The following PDGFC variants were observed in gnomAD, a reference collection of about 807,000 sequenced individuals.
PDGFC encodes platelet derived growth factor C, also known as platelet-derived growth factor C.
Under a neutral mutation model 35.5 loss-of-function variants are expected in PDGFC, and 12 were observed. The observed-to-expected ratio is 0.34, with a 90% CI of 0.22 to 0.55. PDGFC has a LOEUF of 0.55. Ranked by LOEUF, PDGFC falls within the 20% of genes least tolerant of loss-of-function variation. The pLI is 0.91. For missense variants in PDGFC, 322 were observed against 412.4 expected (o/e 0.78, Z 1.90); for synonymous variants, 159 against 148.8 (o/e 1.07, Z -0.50).
At chr4:156,767,720 G>A in intron 5 of PDGFC, 53 bp downstream of exon 5, 1 of 1,118,710 alleles carries the variant, frequency 8.9e-7, no homozygotes, top group Non-Finnish European at 1.4e-6. Flanking sequence ...TCACTGTTTT[G>A]TTCTAAGACA....
intron 1 of PDGFC, among the ~76,000 whole-genome samples, chr4:156,957,693 C>G (rs142205856): frequency 1.3e-5 from 2 of 152,102 alleles, no homozygotes; most frequent in East Asian, 3.9e-4. Flanking sequence ...GCCTGCATAG[C>G]TGGGATGGGC....
Position 156,846,533 on chromosome 4 carries a change from G to C in PDGFC, c.314+3688C>G, listed in dbSNP as rs1729330100. On this transcript the variant is annotated intron_variant, in intron 2 of 5. Transcript: ENST00000502773. ...GACAAGAAGACTCTTCCAGACTAAAGAAGACGAAAGAGTTACAATAACCAA... is the reference window on the plus strand; with the variant it reads ...GACAAGAAGACTCTTCCAGACTAAACAAGACGAAAGAGTTACAATAACCAA... Among the ~76,000 whole-genome samples, 6 of 151,692 alleles carry C rather than the reference G, an allele frequency of 4.0e-5. No individual in the cohort carries two copies. In the South Asian group the frequency reaches 1.2e-3, roughly 31 times the overall value.
intron 1 of PDGFC, among the ~76,000 whole-genome samples, chr4:156,864,926 G>C (rs1483191800): frequency 6.6e-6 from 1 of 152,056 alleles, no homozygotes; most frequent in African/African-American, 2.4e-5. Context: ...CCAATGGCTT[G>C]AGAAAGTTTT....
rs539720706 is a variant in PDGFC, at chr4:156,876,679, T to G, written c.119-26263A>C. ...TTAATTTCCCTGCTTGATTCTTCTT[T>G]ATACACAAAATTATAACAGCAGTCT... On this transcript the variant is annotated intron_variant, in intron 1 of 5. Transcript: ENST00000502773. 606 of 152,310 alleles carry G rather than the reference T, an allele frequency of 4.0e-3. 1 individual carries two copies. The highest frequency in any genetic ancestry group is 0.014 in the African/African-American group (582 of 41,574). The allele number at this position is 152,310 out of a possible 1,614,324, so 9.4% of individuals were successfully genotyped here. A position where few individuals can be genotyped will look rare whatever the true frequency, so the allele number is the denominator to read the frequency against.
intron 1 of PDGFC, among the ~76,000 whole-genome samples, chr4:156,856,127 T>C (rs1011770820): frequency 3.3e-5 from 5 of 152,212 alleles, no homozygotes; most frequent in Admixed American, 1.3e-4. Context: ...TTAAGACAAA[T>C]AGCACAATAA....
At chr4:156,900,396 A>C (rs779380436) in intron 1 of PDGFC, among the ~76,000 whole-genome samples, 1 of 152,190 alleles carries the variant, frequency 6.6e-6, no homozygotes, top group Non-Finnish European at 1.5e-5. Flanking sequence ...CCTGGGAATC[A>C]TGATCATTTA....
At chr4:156,870,294 T>C (rs1208391544) in intron 1 of PDGFC, among the ~76,000 whole-genome samples, 6 of 152,272 alleles carry the variant, frequency 3.9e-5, no homozygotes, top group South Asian at 4.1e-4. Context: ...TTTTTTCCTC[T>C]CCTTCCACCT....
chr4:156,942,107 C>T (rs563798206), intron 1 of PDGFC, among the ~76,000 whole-genome samples: 23 of 151,872 alleles, frequency 1.5e-4, no homozygotes, highest in African/African-American at 5.1e-4. Context: ...TGCCTAAAGA[C>T]GAGAGGGAAA....
intron 2 of PDGFC, among the ~76,000 whole-genome samples, chr4:156,836,459 T>C (rs907801479): frequency 2.0e-5 from 3 of 152,216 alleles, no homozygotes; most frequent in African/African-American, 4.8e-5. Flanking sequence ...TTCTAAGAAA[T>C]AGTCTATATA....
intron 1 of PDGFC, among the ~76,000 whole-genome samples, chr4:156,945,338 CATACATATATAT>C (rs1560885355): frequency 2.7e-5 from 1 of 37,450 alleles, no homozygotes; most frequent in South Asian, 9.0e-4. Flanking sequence ...TATACATATA[CATACATATATAT>C]ATATATATAT....
At chr4:156,873,046 G>A (rs934859396) in intron 1 of PDGFC, among the ~76,000 whole-genome samples, 1 of 152,108 alleles carries the variant, frequency 6.6e-6, no homozygotes, top group Non-Finnish European at 1.5e-5. Flanking sequence ...CAGAAGGATC[G>A]CCTGAGCCCA....
At chr4:156,920,141 A>G (rs941766178) in intron 1 of PDGFC, among the ~76,000 whole-genome samples, 2 of 152,186 alleles carry the variant, frequency 1.3e-5, no homozygotes, top group African/African-American at 2.4e-5. Context: ...AGATACCAGC[A>G]CCATGCTTGT....
At chr4:156,771,505 G>A (rs756189694) in intron 4 of PDGFC, among the ~76,000 whole-genome samples, 9 of 152,160 alleles carry the variant, frequency 5.9e-5, no homozygotes, top group Non-Finnish European at 8.8e-5. Context: ...ATATGTAACA[G>A]CTTTCAGCAT....
chr4:156,959,356 C>T (rs962833815), intron 1 of PDGFC, among the ~76,000 whole-genome samples: 15 of 151,858 alleles, frequency 9.9e-5, no homozygotes, highest in African/African-American at 3.6e-4. Context: ...ATTTGGACTG[C>T]AAATCTATCA....
At chr4:156,869,169 C>G (rs1729917228) in intron 1 of PDGFC, among the ~76,000 whole-genome samples, 1 of 152,156 alleles carries the variant, frequency 6.6e-6, no homozygotes. Context: ...TGCGGTGGCT[C>G]ATGCCTGTAA....
At chr4:156,889,008 C>T (rs1264419556) in intron 1 of PDGFC, among the ~76,000 whole-genome samples, 1 of 152,098 alleles carries the variant, frequency 6.6e-6, no homozygotes, top group Non-Finnish European at 1.5e-5. Context: ...GTGAATTGCC[C>T]TCAGAATTCT....
chr4:156,890,275 G>C (rs1040223965), intron 1 of PDGFC, among the ~76,000 whole-genome samples: 11 of 151,918 alleles, frequency 7.2e-5, no homozygotes, highest in African/African-American at 2.7e-4. Flanking sequence ...CAGAATGGCA[G>C]GGATTTGTCC....
At chr4:156,840,475 C>T (rs760845529) in intron 2 of PDGFC, among the ~76,000 whole-genome samples, 5 of 152,192 alleles carry the variant, frequency 3.3e-5, no homozygotes, top group Non-Finnish European at 7.3e-5. Context: ...CTGGTATCTC[C>T]AGGCAGAAGT....
chr4:156,866,671 C>T (rs1204909656), intron 1 of PDGFC, among the ~76,000 whole-genome samples: 2 of 151,858 alleles, frequency 1.3e-5, no homozygotes, highest in African/African-American at 4.8e-5. Context: ...TACCATTTGA[C>T]CAATACCATC....
Sources: allele counts gnomAD v4.1 joint callset (sites outside exome capture counted in the v4.1 genomes callset), GRCh38; gene constraint gnomAD v4.1.1; transcripts MANE v1.5; gene names NCBI Gene and HGNC (gene_info 2026-07-23, HGNC 2026-07-21).